RRM2: variants seen among roughly 807,000 people sequenced by gnomAD.
RRM2 encodes the protein ribonucleoside-diphosphate reductase subunit M2.
In RRM2, 6 loss-of-function variants were observed where a neutral mutation model predicts 45.9. The ratio of observed to expected loss-of-function variants is 0.13; its 90% CI spans 0.07 to 0.26. The LOEUF is 0.26. Among genes scored for constraint, RRM2 ranks in the 10% least tolerant of loss-of-function variants. The probability of loss-of-function intolerance (pLI) is 1.00; values close to 1 mark genes in which losing one functional copy is unlikely to be tolerated. For synonymous variants in RRM2, 177 were observed against 173.0 expected (o/e 1.02, Z -0.18); for missense variants, 343 against 489.5 (o/e 0.70, Z 2.82).
chr2:10,125,010 T>A, intron 5 of RRM2, 160 bp downstream of exon 5: 1 of 582,380 alleles, frequency 1.7e-6, no homozygotes, highest in East Asian at 2.8e-5. Flanking sequence ...GCAAGGGGCC[T>A]AAATGCACTT....
At chr2:10,174,184 T>G (rs908556992) in intron 3 of RRM2, among the ~76,000 whole-genome samples, 1 of 152,214 alleles carries the variant, frequency 6.6e-6, no homozygotes, top group Non-Finnish European at 1.5e-5. Flanking sequence ...GAGCCCTTAC[T>G]GGACACTGGG....
At chr2:10,163,715 T>C (rs980515317) in intron 3 of RRM2, among the ~76,000 whole-genome samples, 2 of 152,252 alleles carry the variant, frequency 1.3e-5, no homozygotes, top group African/African-American at 4.8e-5. Context: ...GGCCGCGCTC[T>C]GTCCCTGCCC....
rs377161649 is a variant in RRM2, at chr2:10,155,287, T to C, written n.482+12912T>C. Reference sequence around the variant, plus strand: ...GATAAATTGCAGAGAAATAAATAAGTATTTTGTACATCTGAGTATTATTGT... The same window carrying C: ...GATAAATTGCAGAGAAATAAATAAGCATTTTGTACATCTGAGTATTATTGT... On this transcript the variant is annotated intron_variant and non_coding_transcript_variant, in intron 3 of 3. Transcript: ENST00000381786. 9.3e-5 allele frequency: 16 copies of C among 172,946 alleles called. 1 individual carries two copies. The highest frequency in any genetic ancestry group is 5.8e-4 in the Admixed American group (9 of 15,588). The allele number at this position is 172,946 out of a possible 1,614,324, so 10.7% of individuals were successfully genotyped here. A position where few individuals can be genotyped will look rare whatever the true frequency, so the allele number is the denominator to read the frequency against.
chr2:10,198,799 T>C (rs1257888926), intron 3 of RRM2: 1 of 152,140 alleles, frequency 6.6e-6, no homozygotes, highest in East Asian at 1.9e-4. Context: ...AGGGAGAGCT[T>C]ATCGCAGGTT....
At chr2:10,165,585 C>T (rs13390502) in intron 3 of RRM2, among the ~76,000 whole-genome samples, 2,543 of 152,304 alleles carry the variant, frequency 0.017, 77 homozygotes, top group African/African-American at 0.057. Context: ...GTAAAGTTTA[C>T]GGGAAATAAC....
chr2:10,162,695 C>A (rs371778434), intron 3 of RRM2, among the ~76,000 whole-genome samples: 1 of 152,042 alleles, frequency 6.6e-6, no homozygotes, highest in African/African-American at 2.4e-5. Flanking sequence ...CCCCCACCCC[C>A]CTGCCGAGGC....
At chr2:10,139,870 A>C (rs1382522033), upstream of RRM2, among the ~76,000 whole-genome samples, 2 of 152,160 alleles carry the variant, frequency 1.3e-5, no homozygotes, top group Non-Finnish European at 2.9e-5. Context: ...ATGTTAACGG[A>C]GCAGGGGTCA....
chr2:10,193,758 C>T (rs887507686), intron 3 of RRM2, among the ~76,000 whole-genome samples: 1 of 152,194 alleles, frequency 6.6e-6, no homozygotes, highest in Non-Finnish European at 1.5e-5. Context: ...TTCAGGATGT[C>T]CCAGCAGAGC....
intron 3 of RRM2, among the ~76,000 whole-genome samples, chr2:10,157,398 C>T (rs867533364): frequency 6.6e-6 from 1 of 152,154 alleles, no homozygotes; most frequent in Non-Finnish European, 1.5e-5. Context: ...GAGCACAGCT[C>T]GATGCCTTTT....
chr2:10,153,676 C>G (rs1021206245), intron 3 of RRM2, among the ~76,000 whole-genome samples: 1 of 152,212 alleles, frequency 6.6e-6, no homozygotes, highest in Non-Finnish European at 1.5e-5. Flanking sequence ...CAGCGATTCT[C>G]TGCTCCCTCC....
downstream of RRM2, among the ~76,000 whole-genome samples, chr2:10,132,415 G>A (rs1662919142): frequency 1.3e-5 from 2 of 152,162 alleles, no homozygotes; most frequent in Non-Finnish European, 2.9e-5. Flanking sequence ...CATGGGGGGA[G>A]ATGATGTTTC....
At chr2:10,151,360 C>T (rs570522292) in intron 3 of RRM2, among the ~76,000 whole-genome samples, 2 of 146,962 alleles carry the variant, frequency 1.4e-5, no homozygotes, top group South Asian at 2.1e-4. Context: ...TGCAGTGGTG[C>T]GATCTTGGCT....
At chr2:10,124,166 T>TGC in intron 4 of RRM2, 1 of 283,892 alleles carries the variant, frequency 3.5e-6, no homozygotes, top group Non-Finnish European at 6.7e-6. Flanking sequence ...AGTGCAGTGG[T>TGC]GTGATCTTGG....
downstream of RRM2, among the ~76,000 whole-genome samples, chr2:10,132,947 A>C (rs1353509423): frequency 6.6e-6 from 1 of 152,212 alleles, no homozygotes; most frequent in Non-Finnish European, 1.5e-5. Flanking sequence ...TTGAGTGGTC[A>C]GGCTGCTGAG....
chr2:10,200,681 G>A lies in RRM2; in HGVS notation n.483-9630G>A, dbSNP rs1171103634. On this transcript the variant is annotated intron_variant and non_coding_transcript_variant, in intron 3 of 3. Transcript: ENST00000381786. ...AAAATATGAGGCCCACAGGGACTGC[G>A]CGCACAAATTATGAGTCCCACGGGG... 5.2e-5 allele frequency among the ~76,000 whole-genome samples: 7 copies of A among 135,042 alleles called. 3 individuals carry two copies. The highest frequency in any genetic ancestry group is 1.3e-4 in the African/African-American group (5 of 38,064). 88.6% of individuals were successfully genotyped at this position (135,042 alleles called of 152,430 possible).
chr2:10,143,448 C>T (rs1663125269), intron 3 of RRM2, among the ~76,000 whole-genome samples: 1 of 152,228 alleles, frequency 6.6e-6, no homozygotes, highest in African/African-American at 2.4e-5. Context: ...AGCTGAGTGC[C>T]CTGAGGGCAG....
intron 2 of RRM2, chr2:10,142,172 G>A (rs1663097688): frequency 6.4e-7 from 1 of 1,561,902 alleles, no homozygotes; most frequent in African/African-American, 1.4e-5. Flanking sequence ...AGTGAGGGGT[G>A]GGAGATGGGG....
At position 10,128,916 on chromosome 2, in the gene RRM2, A is replaced by G; in HGVS notation, c.867A>G (p.Val289=). 1.2e-6 allele frequency: 2 copies of G among 1,614,146 alleles called. No individual in the cohort carries two copies. The highest frequency in any genetic ancestry group is 1.7e-6 in the Non-Finnish European group (2 of 1,179,972). Reference sequence around the variant, plus strand: ...TACACAAACCATCGGAGGAGAGAGTAAGAGAAATAATTATCAATGCTGTTC... The same window carrying G: ...TACACAAACCATCGGAGGAGAGAGTGAGAGAAATAATTATCAATGCTGTTC... ...HLVHKPSEER[V]REIIINAVRI... is the part of the protein sequence containing the mutation. Residue 289 remains valine, a synonymous_variant, in exon 8 of 10, where the codon GTA becomes GTG. Transcript: ENST00000304567.
At position 10,203,547 on chromosome 2, in the gene RRM2, G is replaced by A. The variant is rs1041369060; in HGVS notation, n.483-6764G>A. Among the ~76,000 whole-genome samples the A allele has an allele frequency of 4.6e-5, 7 of 152,074 alleles. No homozygotes were observed. The South Asian group carries it at 8.3e-4, about 18-fold the overall frequency. On this transcript the variant is annotated intron_variant and non_coding_transcript_variant, in intron 3 of 3. Coordinates refer to the RRM2 transcript ENST00000381786. ...GGACAGATCACAAGGTCAGGAGTTCGAGCCCAGCCTGGCCAATAAGGTGAA... is the reference window on the plus strand; with the variant it reads ...GGACAGATCACAAGGTCAGGAGTTCAAGCCCAGCCTGGCCAATAAGGTGAA...
Sources: allele counts gnomAD v4.1 joint callset (sites outside exome capture counted in the v4.1 genomes callset), GRCh38; gene constraint gnomAD v4.1.1; transcripts MANE v1.5; gene names NCBI Gene and HGNC (gene_info 2026-07-23, HGNC 2026-07-21).